The following VAT1L variants were observed in gnomAD, a reference collection of about 807,000 sequenced individuals.
VAT1L encodes the protein putative NADPH-dependent quinone oxidoreductase VAT1L.
A neutral mutation model predicts 44.1 loss-of-function variants in VAT1L; 34 were observed. The ratio of observed to expected loss-of-function variants is 0.77; its 90% CI spans 0.59 to 1.03. VAT1L has a LOEUF of 1.03. Among genes scored for constraint, VAT1L ranks in the 50% least tolerant of loss-of-function variants. The pLI is 0.00. For synonymous variants in VAT1L, 253 were observed against 202.2 expected (o/e 1.25, Z -2.13); for missense variants, 615 against 538.8 (o/e 1.14, Z -1.40).
Position 77,788,907 on chromosome 16 carries a change from C to A in VAT1L, c.225C>A (p.Val75=). The A allele has an allele frequency of 6.6e-7, 1 of 1,523,556 alleles. No individual in the cohort carries two copies. The highest frequency in any genetic ancestry group is 8.8e-7 in the Non-Finnish European group (1 of 1,137,038). 94.4% of individuals were successfully genotyped at this position (1,523,556 alleles called of 1,614,324 possible). A position where few individuals can be genotyped will look rare whatever the true frequency, so the allele number is the denominator to read the frequency against. The change falls in exon 1 of 9, where the codon GTC becomes GTA. Residue 75 remains valine (V), a synonymous_variant. Transcript: ENST00000302536. Reference sequence around the variant, plus strand: ...AGGACGGCGAGCTCAAGATCCGCGTCAAAGCCTGGTCCAGTATCCGCGCCT... The same window carrying A: ...AGGACGGCGAGCTCAAGATCCGCGTAAAAGCCTGGTCCAGTATCCGCGCCT... ...EPQDGELKIR[V]KACGLNFIDL...
At chr16:77,887,680 G>T (rs531503447) in intron 7 of VAT1L, among the ~76,000 whole-genome samples, 1 of 152,190 alleles carries the variant, frequency 6.6e-6, no homozygotes. Flanking sequence ...CAGCACTAAT[G>T]AGAGATGAGA....
chr16:77,889,932 C>CA (rs1217282597), intron 7 of VAT1L, among the ~76,000 whole-genome samples: 12 of 151,878 alleles, frequency 7.9e-5, no homozygotes, highest in Admixed American at 5.3e-4. Context: ...ACTAAAAATA[C>CA]AAAAAATTAG....
intron 7 of VAT1L, among the ~76,000 whole-genome samples, chr16:77,913,889 G>C (rs1449153808): frequency 1.3e-5 from 2 of 152,136 alleles, no homozygotes; most frequent in Non-Finnish European, 2.9e-5. Flanking sequence ...CCAACTCTAC[G>C]AACCTCATGA....
At chr16:77,937,583 A>G (rs1286446505) in intron 7 of VAT1L, among the ~76,000 whole-genome samples, 1 of 152,206 alleles carries the variant, frequency 6.6e-6, no homozygotes, top group East Asian at 1.9e-4. Flanking sequence ...ATTTCCTTGT[A>G]ATGCTTGAGG....
intron 7 of VAT1L, among the ~76,000 whole-genome samples, chr16:77,964,303 T>A (rs114218532): frequency 9.2e-5 from 14 of 152,288 alleles, no homozygotes; most frequent in African/African-American, 3.4e-4. Context: ...ATCTTACAGT[T>A]CTGAAAGCCC....
chr16:77,808,038 C>A (rs758081203), intron 1 of VAT1L, among the ~76,000 whole-genome samples: 1 of 151,754 alleles, frequency 6.6e-6, no homozygotes, highest in Non-Finnish European at 1.5e-5. Context: ...CTCCCTGGGC[C>A]ACAGACCAGT....
intron 3 of VAT1L, among the ~76,000 whole-genome samples, chr16:77,860,574 A>T (rs2016905360): frequency 6.6e-6 from 1 of 152,222 alleles, no homozygotes; most frequent in Admixed American, 6.5e-5. Context: ...AACTAATTGT[A>T]ATTTCCCATC....
chr16:77,880,533 A>C lies in VAT1L; in HGVS notation c.882+1309A>C, dbSNP rs75918736. On this transcript the variant is annotated intron_variant, in intron 6 of 8. Transcript: ENST00000302536. The stretch of plus-strand genomic sequence containing the variant: ...TTCCTTCTCTTCTTTGAAATGAACC[A>C]CCAGTACACCAGCACCAGCCCATGT... Among the ~76,000 whole-genome samples, 984 of 127,880 alleles carry C rather than the reference A, an allele frequency of 7.7e-3. 32 individuals carry two copies. In the East Asian group the frequency reaches 0.14, roughly 18 times the overall value. The allele number at this position is 127,880 out of a possible 152,430, so 83.9% of individuals were successfully genotyped here. A position where few individuals can be genotyped will look rare whatever the true frequency, so the allele number is the denominator to read the frequency against.
intron 5 of VAT1L, among the ~76,000 whole-genome samples, chr16:77,878,283 A>G (rs2017110851): frequency 6.6e-6 from 1 of 152,216 alleles, no homozygotes; most frequent in African/African-American, 2.4e-5. Context: ...CCAACTTATT[A>G]ACTGGCTACT....
rs535321142 is a variant in VAT1L, at chr16:77,845,822, A to G, written c.580-16926A>G. ...AAGCCCCTCCCGCTCTTCTGCCTCT[A>G]TGCCCTCTACATTATCTTTCTAATA... is the stretch of plus-strand genomic sequence containing the variant. On this transcript the variant is annotated intron_variant, in intron 3 of 8. Transcript: ENST00000302536. Among the ~76,000 whole-genome samples the G allele has an allele frequency of 2.0e-5, 3 of 152,210 alleles. No individual in the cohort carries two copies. The South Asian group carries it at 6.2e-4, about 32-fold the overall frequency.
At chr16:77,843,063 G>C (rs563551639) in intron 3 of VAT1L, among the ~76,000 whole-genome samples, 4 of 152,154 alleles carry the variant, frequency 2.6e-5, no homozygotes, top group African/African-American at 9.7e-5. Flanking sequence ...GATTGGCAAA[G>C]ACAGAGGTAC....
At chr16:77,957,714 A>G (rs1374673557) in intron 7 of VAT1L, among the ~76,000 whole-genome samples, 1 of 151,044 alleles carries the variant, frequency 6.6e-6, no homozygotes, top group African/African-American at 2.4e-5. Context: ...ACAGAACGAG[A>G]CTCTGTCTCA....
intron 3 of VAT1L, among the ~76,000 whole-genome samples, chr16:77,853,773 T>C (rs922172674): frequency 3.3e-4 from 50 of 151,794 alleles, no homozygotes; most frequent in African/African-American, 1.1e-3. Flanking sequence ...ATCCATACAA[T>C]GAATAAAAGA....
intron 1 of VAT1L, chr16:77,801,243 TGAAGGAATTTG>T: frequency 6.6e-6 from 1 of 152,048 alleles, no homozygotes; most frequent in African/African-American, 2.4e-5. Context: ...ATGAAGAAAG[TGAAGGAATTTG>T]CTAACCTTCA....
At position 77,906,378 on chromosome 16, in the gene VAT1L, C is replaced by T. The variant is rs529774253; in HGVS notation, c.1077+21576C>T. On this transcript the variant is annotated intron_variant, in intron 7 of 8. Coordinates refer to ENST00000302536, the MANE Select transcript of VAT1L (RefSeq NM_020927.3). ...TTGTGCTTGACCTGGTTCTCCATCA[C>T]CAGCATACTTACCATTTTACACTGT... Among the ~76,000 whole-genome samples, 4 of 152,294 alleles carry T rather than the reference C, an allele frequency of 2.6e-5. No individual in the cohort carries two copies. In the East Asian group the frequency reaches 7.7e-4, roughly 29 times the overall value.
At chr16:77,824,862 CTTTT>C (rs756573336) in intron 2 of VAT1L, among the ~76,000 whole-genome samples, 10 of 75,496 alleles carry the variant, frequency 1.3e-4, no homozygotes, top group Non-Finnish European at 2.2e-4. Flanking sequence ...CCCAATAATG[CTTTT>C]TTTTTTTTTT....
At chr16:77,972,019 G>T in intron 8 of VAT1L, 86 bp downstream of exon 8, 1 of 1,329,704 alleles carries the variant, frequency 7.5e-7, no homozygotes, top group Non-Finnish European at 1.0e-6. Context: ...GGGGTAGAAG[G>T]AAGTACAGGT....
intron 7 of VAT1L, among the ~76,000 whole-genome samples, chr16:77,899,237 C>G (rs116868030): frequency 3.9e-4 from 60 of 152,302 alleles, no homozygotes; most frequent in Non-Finnish European, 7.9e-4. Context: ...GGAGCCAAAA[C>G]TCAACTCTCA....
At chr16:77,887,960 C>T (rs1252448869) in intron 7 of VAT1L, among the ~76,000 whole-genome samples, 1 of 152,198 alleles carries the variant, frequency 6.6e-6, no homozygotes, top group Non-Finnish European at 1.5e-5. Flanking sequence ...CCCTCACCTC[C>T]TCCACCCAAG....
Sources: allele counts gnomAD v4.1 joint callset (sites outside exome capture counted in the v4.1 genomes callset), GRCh38; gene constraint gnomAD v4.1.1; transcripts MANE v1.5; gene names NCBI Gene and HGNC (gene_info 2026-07-23, HGNC 2026-07-21).